Variants in OSBP observed in about 807,000 individuals in gnomAD.
OSBP encodes oxysterol binding protein.
In OSBP, 32 loss-of-function variants were observed where a neutral mutation model predicts 96.6. The observed-to-expected ratio is 0.33, with a 90% CI of 0.25 to 0.45. The LOEUF (loss-of-function observed/expected upper bound fraction) is 0.45, where lower values mean the gene tolerates loss of function less well. Among genes scored for constraint, OSBP ranks in the 20% least tolerant of loss-of-function variants. The pLI, the probability that OSBP is intolerant of heterozygous loss-of-function variation, is 1.00. For synonymous variants in OSBP, 369 were observed against 389.6 expected, an observed-to-expected ratio of 0.95 and a Z score of 0.62; for missense variants, 653 against 1,029.7, an observed-to-expected ratio of 0.63 and a Z score of 5.01.
intron 7 of OSBP, among the ~76,000 whole-genome samples, chr11:59,599,482 T>C (rs561001540): frequency 3.2e-4 from 49 of 151,770 alleles, no homozygotes; most frequent in Non-Finnish European, 3.7e-4. Context: ...ATTGAACCTA[T>C]ATCTTCTATA....
At chr11:59,597,852 C>T (rs1191697755) in intron 7 of OSBP, among the ~76,000 whole-genome samples, 3 of 152,114 alleles carry the variant, frequency 2.0e-5, no homozygotes, top group South Asian at 2.1e-4. Context: ...GCTACAGGCT[C>T]GTGCCACCAT....
chr11:59,614,569 C>T (rs779808150), intron 1 of OSBP, among the ~76,000 whole-genome samples: 3 of 152,202 alleles, frequency 2.0e-5, no homozygotes, highest in Non-Finnish European at 4.4e-5. Flanking sequence ...GACATGGATT[C>T]TTCTTTTAAT....
chr11:59,608,807 C>T, intron 2 of OSBP, 73 bp from the exon 3 acceptor site: 2 of 1,442,778 alleles, frequency 1.4e-6, no homozygotes, highest in South Asian at 1.2e-5. Context: ...CTACTCTGTC[C>T]AGAAACAAAC....
intron 7 of OSBP, among the ~76,000 whole-genome samples, chr11:59,598,937 G>A (rs187081862): frequency 1.8e-4 from 27 of 152,178 alleles, no homozygotes; most frequent in African/African-American, 6.0e-4. Flanking sequence ...TCCATTTTCC[G>A]GCTAGCTGGA....
At chr11:59,591,346 A>G (rs1352342582) in intron 9 of OSBP, among the ~76,000 whole-genome samples, 1 of 152,138 alleles carries the variant, frequency 6.6e-6, no homozygotes, top group Non-Finnish European at 1.5e-5. Flanking sequence ...AGTTAAGTTT[A>G]TTGTTATCTT....
intron 7 of OSBP, 143 bp from the exon 8 acceptor site, chr11:59,594,398 A>AGAGCGGCT: frequency 1.4e-6 from 1 of 709,312 alleles, no homozygotes; most frequent in Non-Finnish European, 2.3e-6. Flanking sequence ...CCCGCAAACA[A>AGAGCGGCT]CCCATTCTCC....
At chr11:59,581,384 A>T in intron 10 of OSBP, 67 bp downstream of exon 10, 1 of 866,142 alleles carries the variant, frequency 1.2e-6, no homozygotes, top group Non-Finnish European at 1.9e-6. Context: ...TGTCCTAAAT[A>T]CTGCAGAAAT....
Position 59,600,620 on chromosome 11 carries a change from T to C in OSBP, c.1187A>G (p.His396Arg), listed in dbSNP as rs1280976331. The C allele has an allele frequency of 1.2e-6, 2 of 1,613,868 alleles. No individual in the cohort carries two copies. Among genetic ancestry groups the C allele is most frequent in the Non-Finnish European group, 8.5e-7 (1 of 1,179,980 alleles). ...TTCCTTTTTGGTCTCCTCCAGCTGA[T>C]GCTTGTACTGAGAGCAAAACAAAGC... ...SDISLDEQYKHQLEETKKEKR... is the reference protein window; with the variant it reads ...SDISLDEQYKRQLEETKKEKR... The change falls in exon 7 of 14, where the codon CAT becomes CGT. Residue 396 changes from histidine (H) to arginine (R), a missense_variant. By Grantham distance (29) the His-to-Arg change is conservative. This residue lies in a region of OSBP where 308 missense variants were observed against 573.1 expected (regional missense o/e 0.54). Transcript: ENST00000263847.
At chr11:59,577,801 C>CTTTA (rs1013166103) in intron 12 of OSBP, among the ~76,000 whole-genome samples, 1 of 152,188 alleles carries the variant, frequency 6.6e-6, no homozygotes, top group Admixed American at 6.5e-5. Context: ...GCTGATGGGC[C>CTTTA]TTTAGGCTAA....
intron 9 of OSBP, among the ~76,000 whole-genome samples, chr11:59,593,035 C>T (rs553181490): frequency 6.6e-6 from 1 of 152,234 alleles, no homozygotes; most frequent in South Asian, 2.1e-4. Context: ...AGAGCTCAGA[C>T]AATCTGCCTG....
chr11:59,585,531 C>T (rs765981004), intron 9 of OSBP, among the ~76,000 whole-genome samples: 7 of 151,570 alleles, frequency 4.6e-5, no homozygotes, highest in African/African-American at 7.3e-5. Context: ...CCACCCCGTC[C>T]GGGAGGGAGG....
Position 59,601,939 on chromosome 11 carries a change from T to C in OSBP, c.823-101A>G, listed in dbSNP as rs970286634. On this transcript the variant is annotated intron_variant, in intron 3 of 13. Transcript: ENST00000263847. Reference sequence around the variant, plus strand: ...TAACCTTATTCTGGGAACTTTTAACTGGCAAATTACAATGAAAGACTTTCC... The same window carrying C: ...TAACCTTATTCTGGGAACTTTTAACCGGCAAATTACAATGAAAGACTTTCC... 5 of 986,062 alleles carry C rather than the reference T, an allele frequency of 5.1e-6. No homozygotes were observed. In the Admixed American group the frequency reaches 7.7e-5, roughly 15 times the overall value. 61.1% of individuals were successfully genotyped at this position (986,062 alleles called of 1,614,324 possible).
chr11:59,590,329 G>C (rs528108890), intron 9 of OSBP, among the ~76,000 whole-genome samples: 4 of 152,204 alleles, frequency 2.6e-5, no homozygotes, highest in Non-Finnish European at 5.9e-5. Context: ...TTTTTGCACT[G>C]TAATTGTAAC....
At position 59,575,068 on chromosome 11, in the gene OSBP, C is replaced by T. The variant is rs1343919250; in HGVS notation, c.*1509G>A. 2 of 152,174 alleles carry T rather than the reference C, an allele frequency of 1.3e-5. No homozygotes were observed. The highest frequency in any genetic ancestry group is 3.8e-4 in the East Asian group (2 of 5,198). 9.4% of individuals were successfully genotyped at this position (152,174 alleles called of 1,614,324 possible). On this transcript the variant is annotated 3_prime_UTR_variant, in exon 14 of 14. Transcript: ENST00000263847. ...AACAGAGAAGGAAGCCAGGGCCCCA[C>T]AGGAGCAATTATCTGATCCACCCCA...
rs1860712983 is a variant in OSBP at position 59,600,713 on chromosome 11, A to C, written c.1180-86T>G. 6.4e-6 allele frequency: 10 copies of C among 1,568,358 alleles called. No individual in the cohort carries two copies. The African/African-American group carries it at 1.4e-4, about 22-fold the overall frequency. On this transcript the variant is annotated intron_variant, in intron 6 of 13. Transcript: ENST00000263847. Reference sequence around the variant, plus strand: ...CCTTCCCTTCCCCCGTGCTAAAAAAAGAAAAAAAAATCAGTTTCTCTTAGC... The same window carrying C: ...CCTTCCCTTCCCCCGTGCTAAAAAACGAAAAAAAAATCAGTTTCTCTTAGC...
chr11:59,601,551 G>T, intron 4 of OSBP, 89 bp downstream of exon 4: 1 of 1,250,282 alleles, frequency 8.0e-7, no homozygotes, highest in Non-Finnish European at 1.2e-6. Flanking sequence ...ATGACTCATT[G>T]ACTGTGAAGA....
At chr11:59,600,766 T>G in intron 6 of OSBP, 53 bp downstream of exon 6, 2 of 1,511,362 alleles carry the variant, frequency 1.3e-6, no homozygotes, top group African/African-American at 1.4e-5. Flanking sequence ...AAAAAATCCT[T>G]GGGAATCACA....
At chr11:59,592,704 C>T (rs1315640139) in intron 9 of OSBP, among the ~76,000 whole-genome samples, 1 of 152,116 alleles carries the variant, frequency 6.6e-6, no homozygotes, top group Non-Finnish European at 1.5e-5. Context: ...GGTATAGGAT[C>T]TCTAACATTG....
At chr11:59,601,244 A>C (rs760039828) in intron 5 of OSBP, 39 bp downstream of exon 5, 1 of 1,111,086 alleles carries the variant, frequency 9.0e-7, no homozygotes, top group Non-Finnish European at 1.4e-6. Flanking sequence ...TTGATGGTGA[A>C]GATATGTTTA....
Sources: allele counts gnomAD v4.1 joint callset (sites outside exome capture counted in the v4.1 genomes callset), GRCh38; gene constraint gnomAD v4.1.1; regional missense constraint gnomAD v4.1.1; transcripts MANE v1.5; gene names NCBI Gene and HGNC (gene_info 2026-07-23, HGNC 2026-07-21).